The following TECTA variants were observed in gnomAD, a reference collection of about 807,000 sequenced individuals.
TECTA encodes the protein alpha-tectorin.
In TECTA, 128 loss-of-function variants were observed where a neutral mutation model predicts 216.8. The observed-to-expected ratio is 0.59, with a 90% CI of 0.51 to 0.68. The LOEUF (loss-of-function observed/expected upper bound fraction) is 0.68, where lower values mean the gene tolerates loss of function less well. Ranked by LOEUF, TECTA falls within the 30% of genes least tolerant of loss-of-function variation. The pLI, the probability that TECTA is intolerant of heterozygous loss-of-function variation, is 0.00. For synonymous variants in TECTA, 1,089 were observed against 1,117.1 expected (o/e 0.97, Z 0.50); for missense variants, 2,551 against 2,786.2 (o/e 0.92, Z 1.90).
intron 20 of TECTA, among the ~76,000 whole-genome samples, chr11:121,171,308 T>C (rs1164487764): frequency 6.6e-6 from 1 of 152,210 alleles, no homozygotes; most frequent in African/African-American, 2.4e-5. Flanking sequence ...TACAATACCA[T>C]GCTGTTTTGG....
chr11:121,106,318 C>T (rs1218318996), intron 3 of TECTA, among the ~76,000 whole-genome samples: 2 of 152,228 alleles, frequency 1.3e-5, no homozygotes, highest in East Asian at 1.9e-4. Flanking sequence ...TTTTCTTTCC[C>T]TTCTGGGGGT....
chr11:121,145,491 TAGG>T lies in TECTA; in HGVS notation c.3544-61_3544-59del, dbSNP rs1771731393. ...ACTTGTCTTTCAAGAGACTCATCGT[TAGG>T]AGAAGAGCTGGGAAATCTCTGGGCC... On this transcript the variant is annotated intron_variant, in intron 11 of 23. Transcript: ENST00000392793. 9 of 1,564,998 alleles carry T rather than the reference TAGG, an allele frequency of 5.8e-6. No homozygotes were observed. In the South Asian group the frequency reaches 7.8e-5, roughly 14 times the overall value.
intron 20 of TECTA, among the ~76,000 whole-genome samples, chr11:121,176,302 G>A (rs1013161708): frequency 3.3e-3 from 500 of 151,102 alleles, no homozygotes; most frequent in Admixed American, 6.3e-3. Flanking sequence ...TTACAATTTG[G>A]CATGTTTTTG....
rs369861884 is a variant in TECTA at position 121,157,936 on chromosome 11, C to G, written c.4401C>G (p.Asp1467Glu). ...GCGACCCGCGCCAATGCAAGTCAGA[C>G]GAGGAGTGTGCGCTGCGCAACGGGG... ...IQCDPRQCKS[D>E]EECALRNGVR... The change falls in exon 14 of 24, where the codon GAC becomes GAG. Residue 1467 changes from aspartate to glutamate, a missense_variant. Asp to Glu is a conservative substitution (Grantham distance 45). Around this residue, in one of 3 missense-constraint regions of TECTA, gnomAD observed 2,375 missense variants for 2,563.9 expected, o/e 0.93. Coordinates refer to ENST00000392793, the MANE Select transcript of TECTA (RefSeq NM_005422.4). 7 of 1,613,978 alleles carry G rather than the reference C, an allele frequency of 4.3e-6. No individual in the cohort carries two copies. The highest frequency in any genetic ancestry group is 1.3e-5 in the African/African-American group (1 of 74,950).
In TECTA at chr11:121,190,760, A is replaced by G. The variant is rs751182456; in HGVS notation, c.6422A>G (p.Gln2141Arg). 6.2e-7 allele frequency: 1 copy of G among 1,613,958 alleles called. No individual in the cohort carries two copies. The highest frequency in any genetic ancestry group is 1.1e-5 in the South Asian group (1 of 91,066). ...QVWTLLLIMIQISLWHFVYKS... is the reference protein window; with the variant it reads ...QVWTLLLIMIRISLWHFVYKS... ...TGGACGCTTCTTCTCATCATGATCC[A>G]GATTTCATTATGGCATTTTGTCTAT... Residue 2141 changes from glutamine (Q) to arginine (R), a missense_variant, in exon 24 of 24, where the codon CAG becomes CGG. Around this residue, in one of 3 missense-constraint regions of TECTA, gnomAD observed 118 missense variants for 116.4 expected, o/e 1.01. Coordinates refer to ENST00000392793, the MANE Select transcript of TECTA (RefSeq NM_005422.4).
In TECTA at chr11:121,189,475, G is replaced by C. The variant is rs112412463; in HGVS notation, c.6251-289G>C. Among the ~76,000 whole-genome samples, 1,522 of 151,842 alleles carry C rather than the reference G, an allele frequency of 0.01. 24 individuals carry two copies. Among genetic ancestry groups the C allele is most frequent in the African/African-American group, 0.035 (1,451 of 41,338 alleles). The stretch of plus-strand genomic sequence containing the variant: ...TGCAAGCTCCGCCTCCCGGGTTCAC[G>C]CCATTCTCCTGCCTCAGCCTCCCGA... On this transcript the variant is annotated intron_variant, in intron 22 of 23. Coordinates refer to ENST00000392793, the MANE Select transcript of TECTA (RefSeq NM_005422.4).
chr11:121,181,892 CAG>C lies in TECTA; in HGVS notation c.6000-5937_6000-5936del, dbSNP rs1347638429. Among the ~76,000 whole-genome samples, 13 of 152,246 alleles carry C rather than the reference CAG, an allele frequency of 8.5e-5. No homozygotes were observed. In the East Asian group the frequency reaches 1.9e-3, roughly 23 times the overall value. ...TTTTATGGATTGGCTTTTGTAGGGA[CAG>C]AGTTTTTCCTATAGATGTATCTATA... On this transcript the variant is annotated intron_variant, in intron 20 of 23. Transcript: ENST00000392793.
intron 4 of TECTA, 81 bp from the exon 5 acceptor site, chr11:121,112,991 G>A (rs913120299): frequency 6.4e-6 from 10 of 1,572,856 alleles, no homozygotes; most frequent in Admixed American, 1.7e-5. Context: ...TGGGGAGGGC[G>A]CAGGGTGAAG....
intron 2 of TECTA, among the ~76,000 whole-genome samples, chr11:121,103,280 T>G (rs915459782): frequency 4.6e-5 from 7 of 152,232 alleles, no homozygotes; most frequent in Non-Finnish European, 8.8e-5. Context: ...AAAGGCCACA[T>G]ATGTCTTTTT....
intron 2 of TECTA, among the ~76,000 whole-genome samples, chr11:121,103,435 C>G (rs956666404): frequency 2.0e-5 from 3 of 152,100 alleles, no homozygotes; most frequent in Admixed American, 2.0e-4. Flanking sequence ...GAGATGAACA[C>G]GTCAAGCCCC....
chr11:121,183,094 G>A (rs1007008726), intron 20 of TECTA, among the ~76,000 whole-genome samples: 6 of 152,160 alleles, frequency 3.9e-5, no homozygotes, highest in African/African-American at 1.4e-4. Context: ...GTTCCCCAGG[G>A]TGTAGGACAC....
intron 13 of TECTA, 140 bp downstream of exon 13, chr11:121,153,220 G>C (rs1362300868): frequency 4.9e-6 from 5 of 1,015,168 alleles, no homozygotes; most frequent in Non-Finnish European, 7.3e-6. Flanking sequence ...GGGATGGGGG[G>C]TAGAGAGGCT....
intron 12 of TECTA, among the ~76,000 whole-genome samples, chr11:121,147,000 C>A (rs1001296308): frequency 2.0e-5 from 3 of 152,148 alleles, no homozygotes; most frequent in Non-Finnish European, 2.9e-5. Flanking sequence ...GCCCAGGCTC[C>A]CAACCCATAT....
intron 11 of TECTA, among the ~76,000 whole-genome samples, chr11:121,138,904 T>G (rs908643633): frequency 1.3e-5 from 2 of 152,224 alleles, no homozygotes; most frequent in African/African-American, 4.8e-5. Flanking sequence ...TCATAATTTT[T>G]CTATCTCTAA....
In TECTA at chr11:121,166,770, A is replaced by C; in HGVS notation, c.5576A>C (p.Asn1859Thr). 1 of 1,614,066 alleles carries C rather than the reference A, an allele frequency of 6.2e-7. No homozygotes were observed. Among genetic ancestry groups the C allele is most frequent in the South Asian group, 1.1e-5 (1 of 91,070 alleles). Residue 1859 changes from asparagine (N) to threonine (T), a missense_variant, in exon 18 of 24, where the codon AAC (asparagine) becomes ACC (threonine). Asn to Thr is a moderately conservative substitution (Grantham distance 65). Coordinates refer to ENST00000392793, the MANE Select transcript of TECTA (RefSeq NM_005422.4). ...AACAACACCAAAGGGAATTGTGGAAACATTGTGCAGGTGAGAAAAGCAGCA... is the reference window on the plus strand; with the variant it reads ...AACAACACCAAAGGGAATTGTGGAACCATTGTGCAGGTGAGAAAAGCAGCA... ...QINNTKGNCG[N>T]IVQSNGTHIM...
intron 9 of TECTA, 43 bp downstream of exon 9, chr11:121,128,387 G>A: frequency 6.3e-7 from 1 of 1,577,470 alleles, no homozygotes; most frequent in Non-Finnish European, 8.6e-7. Flanking sequence ...GGTACGTCCA[G>A]CCAGGAGGAG....
intron 12 of TECTA, among the ~76,000 whole-genome samples, chr11:121,149,462 G>A (rs1023663436): frequency 1.3e-5 from 2 of 152,212 alleles, no homozygotes; most frequent in Non-Finnish European, 2.9e-5. Flanking sequence ...GTGAATTGCA[G>A]AAGTTATTAT....
rs185096327 is a variant in TECTA, at chr11:121,151,676, T to G, written c.4106-1205T>G. Among the ~76,000 whole-genome samples, 271 of 147,278 alleles carry G rather than the reference T, an allele frequency of 1.8e-3. 1 individual carries two copies. Among genetic ancestry groups the G allele is most frequent in the African/African-American group, 6.8e-3 (256 of 37,850 alleles). Reference sequence around the variant, plus strand: ...GATTTTCTACACTATGCAAGTATTATGTATTAAACTACAAATGTTTTTTAA... The same window carrying G: ...GATTTTCTACACTATGCAAGTATTAGGTATTAAACTACAAATGTTTTTTAA... On this transcript the variant is annotated intron_variant, in intron 12 of 23. Transcript: ENST00000392793.
chr11:121,157,680 G>T (rs1257254371), intron 13 of TECTA, among the ~76,000 whole-genome samples, 161 bp from the exon 14 acceptor site: 1 of 152,206 alleles, frequency 6.6e-6, no homozygotes, highest in Non-Finnish European at 1.5e-5. Flanking sequence ...AACTGATGGA[G>T]CATTTGAGTT....
Sources: allele counts gnomAD v4.1 joint callset (sites outside exome capture counted in the v4.1 genomes callset), GRCh38; gene constraint gnomAD v4.1.1; regional missense constraint gnomAD v4.1.1; transcripts MANE v1.5; gene names NCBI Gene and HGNC (gene_info 2026-07-23, HGNC 2026-07-21).